Variants in GGACT observed in about 807,000 individuals in gnomAD.
GGACT encodes the protein gamma-glutamylamine cyclotransferase.
For missense variants in GGACT, 241 were observed against 233.2 expected (o/e 1.03, Z -0.22); for synonymous variants, 118 against 115.3 (o/e 1.02, Z -0.15).
At position 100,532,603 on chromosome 13, in the gene GGACT, T is replaced by C; in HGVS notation, c.-10-2A>G. 1 of 1,526,126 alleles carries C rather than the reference T, an allele frequency of 6.6e-7. No individual in the cohort carries two copies. The highest frequency in any genetic ancestry group is 8.8e-7 in the Non-Finnish European group (1 of 1,130,768). The allele number at this position is 1,526,126 out of a possible 1,614,324, so 94.5% of individuals were successfully genotyped here. ...AAGACTAGGGCCATCCGGGCAGAGC[T>C]GCAGGGAGAGGGGAAGTCACAGGTC... On this transcript the variant is annotated splice_acceptor_variant, in intron 2 of 2. Transcript: ENST00000683975. LOFTEE classifies it low-confidence loss of function (5UTR_SPLICE).
chr13:100,579,138 G>A (rs7322986), intron 2 of GGACT, among the ~76,000 whole-genome samples: 34,071 of 152,106 alleles, frequency 0.22, 4,065 homozygotes, highest in Non-Finnish European at 0.26. Flanking sequence ...GCATGATGGC[G>A]GACTCCGAAT....
intron 2 of GGACT, among the ~76,000 whole-genome samples, chr13:100,561,621 T>G (rs746243614): frequency 2.6e-5 from 4 of 152,222 alleles, no homozygotes; most frequent in African/African-American, 4.8e-5. Flanking sequence ...ACTGGTTCCC[T>G]TCTCAGATCA....
At chr13:100,554,727 G>A (rs533105312) in intron 2 of GGACT, among the ~76,000 whole-genome samples, 2 of 152,282 alleles carry the variant, frequency 1.3e-5, no homozygotes, top group Admixed American at 1.3e-4. Flanking sequence ...AGAAAAGAGG[G>A]AATTGATAAG....
intron 2 of GGACT, chr13:100,539,756 C>T: frequency 1.6e-6 from 1 of 629,046 alleles, no homozygotes; most frequent in Non-Finnish European, 2.8e-6. Context: ...TTCAGGAGGA[C>T]TGGTGTGAAT....
intron 2 of GGACT, among the ~76,000 whole-genome samples, chr13:100,540,502 A>G (rs2088543115): frequency 6.6e-6 from 1 of 152,072 alleles, no homozygotes; most frequent in Non-Finnish European, 1.5e-5. Flanking sequence ...GGTTTTAGTT[A>G]TTTAGATCTT....
chr13:100,577,291 C>T (rs1308616028), intron 2 of GGACT, among the ~76,000 whole-genome samples: 9 of 152,028 alleles, frequency 5.9e-5, no homozygotes, highest in African/African-American at 2.2e-4. Flanking sequence ...TGGTGGGTGC[C>T]TGTAATCCCA....
chr13:100,548,878 C>T (rs955205778), intron 2 of GGACT, among the ~76,000 whole-genome samples: 3 of 152,258 alleles, frequency 2.0e-5, no homozygotes, highest in Non-Finnish European at 4.4e-5. Context: ...GAGAGCCAAC[C>T]AGGGAGGCCA....
At chr13:100,556,832 G>A (rs1197884162) in intron 2 of GGACT, among the ~76,000 whole-genome samples, 1 of 152,032 alleles carries the variant, frequency 6.6e-6, no homozygotes. Flanking sequence ...ATAAACATTT[G>A]AAGGATCTAG....
At chr13:100,539,589 G>C in intron 2 of GGACT, 1 of 392,004 alleles carries the variant, frequency 2.6e-6, no homozygotes, top group Non-Finnish European at 4.5e-6. Context: ...TTAATGTGTT[G>C]TTGAATTCTG....
chr13:100,561,883 A>C (rs532921175), intron 2 of GGACT, among the ~76,000 whole-genome samples: 38 of 152,310 alleles, frequency 2.5e-4, no homozygotes, highest in African/African-American at 9.1e-4. Flanking sequence ...GGGAGTATAC[A>C]AGTGCCCAGC....
chr13:100,577,271 C>T (rs1875273987), intron 2 of GGACT, among the ~76,000 whole-genome samples: 1 of 151,884 alleles, frequency 6.6e-6, no homozygotes, highest in Admixed American at 6.6e-5. Context: ...CAAAAATTAG[C>T]CAGGCGTGGT....
At chr13:100,532,675 G>A in intron 2 of GGACT, 74 bp from the exon 3 acceptor site, 1 of 1,210,672 alleles carries the variant, frequency 8.3e-7, no homozygotes, top group South Asian at 1.5e-5. Context: ...GTGGCTCCCG[G>A]CCCACAGAGC....
intron 2 of GGACT, among the ~76,000 whole-genome samples, chr13:100,557,192 G>A (rs1594190737): frequency 1.3e-5 from 2 of 152,102 alleles, no homozygotes; most frequent in Admixed American, 6.5e-5. Flanking sequence ...TGCCCAGCCC[G>A]AAGTTTCTAT....
At chr13:100,558,074 C>T (rs1007489594) in intron 2 of GGACT, among the ~76,000 whole-genome samples, 1 of 151,210 alleles carries the variant, frequency 6.6e-6, no homozygotes, top group Non-Finnish European at 1.5e-5. Context: ...CAGCTACTCT[C>T]GAGGCTGAGG....
At chr13:100,539,768 C>G (rs1256841507) in intron 2 of GGACT, 1 of 640,096 alleles carries the variant, frequency 1.6e-6, no homozygotes. Context: ...GGTGTGAATT[C>G]TGTAAATGTT....
At chr13:100,579,008 C>T (rs1875333678) in intron 2 of GGACT, 2 of 152,090 alleles carry the variant, frequency 1.3e-5, no homozygotes, top group South Asian at 4.1e-4. Flanking sequence ...GGGAGTATTC[C>T]CGCATATACT....
At chr13:100,555,316 G>T (rs1407925497) in intron 2 of GGACT, among the ~76,000 whole-genome samples, 3 of 152,154 alleles carry the variant, frequency 2.0e-5, no homozygotes, top group African/African-American at 7.2e-5. Context: ...CTGGAGTCCA[G>T]GAGTTTCAGA....
intron 2 of GGACT, among the ~76,000 whole-genome samples, chr13:100,572,711 C>T (rs558030354): frequency 5.9e-5 from 9 of 152,232 alleles, no homozygotes; most frequent in African/African-American, 1.2e-4. Context: ...GGACTACAGG[C>T]GTGCACCACC....
intron 2 of GGACT, among the ~76,000 whole-genome samples, chr13:100,572,130 G>A (rs1267656377): frequency 2.0e-5 from 3 of 152,248 alleles, no homozygotes; most frequent in East Asian, 1.9e-4. Context: ...AGGGTTGGAC[G>A]CAACCCAAGT....
Sources: gnomAD v4.1 joint callset for allele counts (sites outside exome capture counted in the v4.1 genomes callset) on GRCh38, gnomAD v4.1.1 for gene constraint, MANE v1.5 for transcripts, NCBI Gene and HGNC (gene_info 2026-07-23, HGNC 2026-07-21) for gene names.